Variants in CTNNA2 observed in about 807,000 individuals in gnomAD.
CTNNA2 encodes the protein catenin alpha-2.
CTNNA2 carries 42 observed loss-of-function variants against 101.0 expected under a neutral mutation model. The ratio of observed to expected loss-of-function variants is 0.42; its 90% CI spans 0.32 to 0.54. The LOEUF (loss-of-function observed/expected upper bound fraction) is 0.54, where lower values mean the gene tolerates loss of function less well. Ranked by LOEUF, CTNNA2 falls within the 20% of genes least tolerant of loss-of-function variation. The probability of loss-of-function intolerance (pLI) is 0.14; values close to 1 mark genes in which losing one functional copy is unlikely to be tolerated. For synonymous variants in CTNNA2, 450 were observed against 456.4 expected, an observed-to-expected ratio of 0.99 and a Z score of 0.18; for missense variants, 871 against 1,223.1, an observed-to-expected ratio of 0.71 and a Z score of 4.29.
At chr2:80,060,055 C>T (rs1254580100) in intron 7 of CTNNA2, among the ~76,000 whole-genome samples, 1 of 152,186 alleles carries the variant, frequency 6.6e-6, no homozygotes, top group Non-Finnish European at 1.5e-5. Context: ...CAGGATTTCT[C>T]GATCTCACTG....
intron 2 of CTNNA2, among the ~76,000 whole-genome samples, chr2:79,233,517 T>C (rs1454802520): frequency 6.6e-6 from 1 of 152,196 alleles, no homozygotes; most frequent in African/African-American, 2.4e-5. Flanking sequence ...ATGACAAAAA[T>C]ATATATTCCA....
intron 4 of CTNNA2, among the ~76,000 whole-genome samples, chr2:79,410,080 A>C (rs1044265344): frequency 5.4e-5 from 8 of 148,358 alleles, no homozygotes; most frequent in African/African-American, 2.0e-4. Flanking sequence ...ATGGGAGTTC[A>C]CTCATGATTT....
chr2:80,229,747 C>G (rs1709087333), intron 7 of CTNNA2, among the ~76,000 whole-genome samples: 1 of 152,282 alleles, frequency 6.6e-6, no homozygotes, highest in East Asian at 1.9e-4. Flanking sequence ...CCCATGGCAA[C>G]CAGTCTCTAT....
Position 79,249,207 on chromosome 2 carries a change from T to A in CTNNA2, c.-406+51131T>A, listed in dbSNP as rs373300404. ...TGAAAACTCCTGACACATAGCTAATTTATGCCTAATAAATGTTAGCTATCA... is the reference window on the plus strand; with the variant it reads ...TGAAAACTCCTGACACATAGCTAATATATGCCTAATAAATGTTAGCTATCA... On this transcript the variant is annotated intron_variant, in intron 2 of 21. Transcript: ENST00000466387. Among the ~76,000 whole-genome samples, 13 of 152,320 alleles carry A rather than the reference T, an allele frequency of 8.5e-5. No individual in the cohort carries two copies. The South Asian group carries it at 2.7e-3, about 32-fold the overall frequency.
intron 3 of CTNNA2, among the ~76,000 whole-genome samples, chr2:79,854,651 T>A (rs890336806): frequency 6.6e-5 from 10 of 152,224 alleles, no homozygotes; most frequent in African/African-American, 2.4e-4. Flanking sequence ...TATTTTCCGT[T>A]GGTCCCTTAT....
chr2:80,109,650 CCTT>C (rs1447654609), intron 7 of CTNNA2, among the ~76,000 whole-genome samples: 1 of 150,592 alleles, frequency 6.6e-6, no homozygotes, highest in African/African-American at 2.5e-5. Flanking sequence ...TTCTCAAAAA[CCTT>C]CTGTTTGGCG....
chr2:79,262,236 C>T (rs2104288081), intron 2 of CTNNA2, among the ~76,000 whole-genome samples: 1 of 152,160 alleles, frequency 6.6e-6, no homozygotes, highest in East Asian at 1.9e-4. Flanking sequence ...AATGTTCTAA[C>T]CATGCAGGGG....
At chr2:80,033,410 A>C (rs993479735) in intron 7 of CTNNA2, among the ~76,000 whole-genome samples, 6 of 151,702 alleles carry the variant, frequency 4.0e-5, no homozygotes, top group Admixed American at 2.0e-4. Context: ...TGTCTCCACA[A>C]AAAAAATTAG....
intron 7 of CTNNA2, among the ~76,000 whole-genome samples, chr2:80,255,323 G>T (rs1391648101): frequency 6.6e-6 from 1 of 152,002 alleles, no homozygotes; most frequent in East Asian, 1.9e-4. Flanking sequence ...AAGAAAGCCA[G>T]TGCCCCATGG....
intron 6 of CTNNA2, among the ~76,000 whole-genome samples, chr2:79,899,546 G>A (rs753312387): frequency 6.6e-6 from 1 of 152,170 alleles, no homozygotes; most frequent in East Asian, 1.9e-4. Flanking sequence ...TCTCAAAAAC[G>A]AAGCTAATGT....
chr2:80,583,971 A>T (rs1170300494), intron 14 of CTNNA2, among the ~76,000 whole-genome samples: 1 of 152,164 alleles, frequency 6.6e-6, no homozygotes, highest in East Asian at 1.9e-4. Context: ...TGTGGTCTGT[A>T]CGATTAAGTT....
At chr2:79,874,982 G>GA (rs1168966283) in intron 6 of CTNNA2, among the ~76,000 whole-genome samples, 1 of 152,150 alleles carries the variant, frequency 6.6e-6, no homozygotes, top group Non-Finnish European at 1.5e-5. Context: ...GTGCCTGCGT[G>GA]AAAAGCTGCC....
chr2:80,164,827 T>C (rs752351696), intron 7 of CTNNA2, among the ~76,000 whole-genome samples: 3 of 152,050 alleles, frequency 2.0e-5, no homozygotes, highest in Non-Finnish European at 2.9e-5. Context: ...TGTAGAATTA[T>C]GGTTAACAGT....
chr2:79,573,220 A>G lies in CTNNA2; in HGVS notation c.-6+60013A>G, dbSNP rs76639810. Among the ~76,000 whole-genome samples, 172 of 152,332 alleles carry G rather than the reference A, an allele frequency of 1.1e-3. 1 individual carries two copies. The highest frequency in any genetic ancestry group is 3.9e-3 in the African/African-American group (163 of 41,584). ...AATCTGTGTAAAGCAAGAGAATGCT[A>G]TTCCTTACAACGAACTTTTTTTGTC... On this transcript the variant is annotated intron_variant, in intron 1 of 18. Transcript: ENST00000402739.
chr2:79,504,277 G>A (rs2033336), intron 4 of CTNNA2, among the ~76,000 whole-genome samples: 111,634 of 151,952 alleles, frequency 0.73, 41,373 homozygotes, highest in African/African-American at 0.84. Flanking sequence ...TAAATTTACA[G>A]TTTAATCTTT....
chr2:79,431,677 ATGC>A (rs1418235393), intron 4 of CTNNA2, among the ~76,000 whole-genome samples: 1 of 152,206 alleles, frequency 6.6e-6, no homozygotes, highest in African/African-American at 2.4e-5. Context: ...GCAATCTGCA[ATGC>A]ACTATTTAGC....
chr2:80,453,988 A>G (rs918654521), intron 9 of CTNNA2, among the ~76,000 whole-genome samples: 1 of 152,150 alleles, frequency 6.6e-6, no homozygotes, highest in Non-Finnish European at 1.5e-5. Flanking sequence ...ACAATTGTCA[A>G]AGCTCTGGCT....
chr2:79,967,481 C>T (rs1320002198), intron 7 of CTNNA2, among the ~76,000 whole-genome samples: 1 of 152,152 alleles, frequency 6.6e-6, no homozygotes, highest in Non-Finnish European at 1.5e-5. Context: ...TCCTCTCTTG[C>T]CTCATGATGA....
At chr2:79,765,643 G>A (rs141630902) in intron 3 of CTNNA2, among the ~76,000 whole-genome samples, 21 of 152,262 alleles carry the variant, frequency 1.4e-4, no homozygotes, top group African/African-American at 4.8e-4. Flanking sequence ...TCTTCCCTGC[G>A]TTGAAGTTTG....
Sources: allele counts gnomAD v4.1 joint callset (sites outside exome capture counted in the v4.1 genomes callset), GRCh38; gene constraint gnomAD v4.1.1; transcripts MANE v1.5; gene names NCBI Gene and HGNC (gene_info 2026-07-23, HGNC 2026-07-21).